Variants in CLIC5 observed in about 807,000 individuals in gnomAD.
CLIC5 encodes chloride intracellular channel protein 5.
Under a neutral mutation model 24.7 loss-of-function variants are expected in CLIC5, and 20 were observed. That is an observed-to-expected ratio of 0.81 (90% CI 0.57 to 1.18). CLIC5 has a LOEUF of 1.18. Among genes scored for constraint, CLIC5 ranks in the 50% most tolerant of loss-of-function variants. The pLI is 0.00. For synonymous variants in CLIC5, 159 were observed against 135.6 expected (o/e 1.17, Z -1.20); for missense variants, 341 against 326.1 (o/e 1.05, Z -0.35).
chr6:46,122,594 A>G, the CLIC5 span, among the ~76,000 whole-genome samples: 7 of 152,240 alleles, frequency 4.6e-5, no homozygotes, highest in Non-Finnish European at 7.3e-5. Context: ...GCAGAACTGA[A>G]GGAGATAGAG....
chr6:45,989,295 C>A (rs942438721), intron 1 of CLIC5, among the ~76,000 whole-genome samples: 1 of 152,142 alleles, frequency 6.6e-6, no homozygotes, highest in African/African-American at 2.4e-5. Context: ...GCTTCTCTGA[C>A]AATTAGCCTC....
downstream of CLIC5, among the ~76,000 whole-genome samples, chr6:45,898,077 CTTTG>C (rs963628949): frequency 1.3e-5 from 2 of 151,360 alleles, no homozygotes; most frequent in South Asian, 2.1e-4. Flanking sequence ...TTTTGTTTTG[CTTTG>C]TTTGAGAGGG....
intron 6 of CLIC5, among the ~76,000 whole-genome samples, chr6:45,887,835 C>T (rs1024482377): frequency 3.3e-5 from 5 of 152,026 alleles, no homozygotes; most frequent in African/African-American, 9.7e-5. Context: ...GGGCTGTAAG[C>T]CTAAGGACAG....
chr6:46,051,747 T>C (rs1279982482), intron 1 of CLIC5, among the ~76,000 whole-genome samples: 1 of 152,250 alleles, frequency 6.6e-6, no homozygotes. Context: ...TCATATATTT[T>C]ATCTTTTGAT....
At chr6:45,897,438 G>A (rs1420652868), downstream of CLIC5, among the ~76,000 whole-genome samples, 1 of 152,024 alleles carries the variant, frequency 6.6e-6, no homozygotes, top group East Asian at 1.9e-4. Flanking sequence ...GGGTGGGGGA[G>A]TAGGGAGGAG....
chr6:45,972,348 A>G lies in CLIC5; in HGVS notation c.64-17104T>C, dbSNP rs972757159. 1.3e-5 allele frequency among the ~76,000 whole-genome samples: 2 copies of G among 152,340 alleles called. 1 individual carries two copies. The highest frequency in any genetic ancestry group is 2.9e-5 in the Non-Finnish European group (2 of 68,030). ...GGATCAAAGGTGCTCTGAAAGGATG[A>G]CATACAATAATGGAACCTACCACTG... On this transcript the variant is annotated intron_variant, in intron 1 of 5. Transcript: ENST00000339561.
intron 1 of CLIC5, among the ~76,000 whole-genome samples, chr6:46,059,794 G>C (rs1762192785): frequency 6.6e-6 from 1 of 152,056 alleles, no homozygotes; most frequent in African/African-American, 2.4e-5. Flanking sequence ...CTGCCTCCCA[G>C]AGGGAGTGAG....
At chr6:46,081,002 A>T (rs1762909319), upstream of CLIC5, among the ~76,000 whole-genome samples, 1 of 152,210 alleles carries the variant, frequency 6.6e-6, no homozygotes, top group Admixed American at 6.5e-5. Flanking sequence ...AAATCCTATC[A>T]TATACAGAAT....
At chr6:46,095,376 T>C in the CLIC5 span, among the ~76,000 whole-genome samples, 1 of 152,240 alleles carries the variant, frequency 6.6e-6, no homozygotes, top group Non-Finnish European at 1.5e-5. Context: ...TTCCCAACTT[T>C]TATGCTCTGC....
intron 1 of CLIC5, among the ~76,000 whole-genome samples, chr6:46,073,465 T>C (rs2127475944): frequency 6.6e-6 from 1 of 152,322 alleles, no homozygotes; most frequent in Non-Finnish European, 1.5e-5. Flanking sequence ...GTTGAAGAGA[T>C]ACAGTGTTAA....
Position 45,881,406 on chromosome 6 carries a change from CCTT to C in CLIC5, c.624-221_624-219del, listed in dbSNP as rs1436220216. 1.3e-5 allele frequency among the ~76,000 whole-genome samples: 2 copies of C among 152,158 alleles called. 1 individual carries two copies. Among genetic ancestry groups the C allele is most frequent in the Middle Eastern group, 6.8e-3 (2 of 294 alleles). On this transcript the variant is annotated intron_variant, in intron 6 of 6. Coordinates refer to the CLIC5 transcript ENST00000644324. ...GCTTTTCTCCCTGGCTGCCCTGCCT[CCTT>C]CTTAAAAATTGCAGTGCATCTCAGC...
At chr6:46,059,626 C>G (rs1338271140) in intron 1 of CLIC5, among the ~76,000 whole-genome samples, 1 of 152,154 alleles carries the variant, frequency 6.6e-6, no homozygotes, top group East Asian at 1.9e-4. Context: ...GTGTTCCAAA[C>G]AAGCCTGTGA....
At chr6:46,124,660 T>A in the CLIC5 span, among the ~76,000 whole-genome samples, 1 of 151,846 alleles carries the variant, frequency 6.6e-6, no homozygotes, top group African/African-American at 2.4e-5. Flanking sequence ...TGGGAGAAAA[T>A]TTTTGCAATC....
chr6:45,954,411 A>G (rs1232920008), intron 2 of CLIC5, among the ~76,000 whole-genome samples: 3 of 152,232 alleles, frequency 2.0e-5, no homozygotes, highest in Non-Finnish European at 4.4e-5. Context: ...AAGTGAAACT[A>G]TCTAGATGAT....
At chr6:45,988,295 T>C (rs1765811351) in intron 1 of CLIC5, among the ~76,000 whole-genome samples, 1 of 152,200 alleles carries the variant, frequency 6.6e-6, no homozygotes, top group Non-Finnish European at 1.5e-5. Context: ...CTGAGAATAG[T>C]CCTTTTTAGT....
chr6:45,998,801 T>C (rs1011839413), intron 1 of CLIC5, among the ~76,000 whole-genome samples: 2 of 152,200 alleles, frequency 1.3e-5, no homozygotes. Flanking sequence ...ATTCGTTCAA[T>C]TCCTTCTTGG....
chr6:45,961,682 T>C (rs1764846690), intron 1 of CLIC5, among the ~76,000 whole-genome samples: 1 of 152,162 alleles, frequency 6.6e-6, no homozygotes, highest in African/African-American at 2.4e-5. Context: ...AGTCTATCCT[T>C]CCAATAATTT....
intron 1 of CLIC5, among the ~76,000 whole-genome samples, chr6:46,061,468 G>A (rs1486619947): frequency 1.1e-4 from 17 of 152,230 alleles, no homozygotes; most frequent in Admixed American, 1.1e-3. Flanking sequence ...TGGGAATACA[G>A]GCGTGAGCCA....
intron 1 of CLIC5, among the ~76,000 whole-genome samples, chr6:46,005,987 T>A (rs1205545567): frequency 8.1e-6 from 1 of 123,322 alleles, no homozygotes; most frequent in African/African-American, 3.2e-5. Flanking sequence ...TGTGTATATA[T>A]ATATATATAT....
Sources: gnomAD v4.1 joint callset for allele counts (sites outside exome capture counted in the v4.1 genomes callset) on GRCh38, gnomAD v4.1.1 for gene constraint, MANE v1.5 for transcripts, NCBI Gene and HGNC (gene_info 2026-07-23, HGNC 2026-07-21) for gene names.